Variants in SCLT1 observed in about 807,000 individuals in gnomAD.
SCLT1 encodes the protein sodium channel and clathrin linker 1, also known as sodium channel-associated protein 1.
In SCLT1, 78 loss-of-function variants were observed where a neutral mutation model predicts 112.8. That is an observed-to-expected ratio of 0.69 (90% CI 0.58 to 0.83). The LOEUF (loss-of-function observed/expected upper bound fraction) is 0.83, where lower values mean the gene tolerates loss of function less well. SCLT1 is among the 40% of genes least tolerant of loss of function. The pLI, the probability that SCLT1 is intolerant of heterozygous loss-of-function variation, is 0.00. For missense variants in SCLT1, 747 were observed against 770.4 expected (o/e 0.97, Z 0.36); for synonymous variants, 257 against 254.7 (o/e 1.01, Z -0.09).
In SCLT1 at chr4:128,963,778, T is replaced by C. The variant is rs182662145; in HGVS notation, c.869+1449A>G. 2.2e-4 allele frequency among the ~76,000 whole-genome samples: 33 copies of C among 152,352 alleles called. No homozygotes were observed. In the East Asian group the frequency reaches 6.4e-3, roughly 29 times the overall value. On this transcript the variant is annotated intron_variant, in intron 11 of 20. Transcript: ENST00000281142. Reference sequence around the variant, plus strand: ...TTCAAGGACCATACTTGTTTTCCTCTACCTATATTAGTTATTCTAAATATT... The same window carrying C: ...TTCAAGGACCATACTTGTTTTCCTCCACCTATATTAGTTATTCTAAATATT...
chr4:128,948,686 G>T, intron 14 of SCLT1, 116 bp from the exon 15 acceptor site: 1 of 720,720 alleles, frequency 1.4e-6, no homozygotes, highest in Non-Finnish European at 2.2e-6. Flanking sequence ...CAAGTTTAAG[G>T]TTATATTGAT....
intron 5 of SCLT1, among the ~76,000 whole-genome samples, chr4:129,035,290 A>G (rs1321375418): frequency 3.3e-5 from 5 of 152,190 alleles, no homozygotes; most frequent in Non-Finnish European, 7.4e-5. Context: ...AAGGAGCAGG[A>G]AAAGGGGAAG....
rs192480213 is a variant in SCLT1 at position 129,075,716 on chromosome 4, A to C, written c.102+6590T>G. Among the ~76,000 whole-genome samples the C allele has an allele frequency of 2.6e-3, 394 of 152,302 alleles. 3 individuals are homozygous for C. The highest frequency in any genetic ancestry group is 9.3e-3 in the African/African-American group (386 of 41,570). On this transcript the variant is annotated intron_variant, in intron 2 of 20. Transcript: ENST00000281142. ...ATATAACATTTCTATCATCAGAGAA[A>C]GATCTACTGGACAGTGCCGGTCTAG...
intron 17 of SCLT1, among the ~76,000 whole-genome samples, chr4:128,942,677 G>T (rs1037806902): frequency 1.2e-4 from 19 of 152,244 alleles, no homozygotes; most frequent in African/African-American, 4.1e-4. Context: ...TACAGAGAGA[G>T]AAGAGAGGAA....
chr4:128,881,492 C>T (rs1732640001), downstream of SCLT1, among the ~76,000 whole-genome samples: 1 of 152,158 alleles, frequency 6.6e-6, no homozygotes, highest in South Asian at 2.1e-4. Context: ...ATAATTCTCA[C>T]ACCAGAGAAG....
At chr4:128,964,224 C>A (rs190478410) in intron 11 of SCLT1, among the ~76,000 whole-genome samples, 3 of 152,142 alleles carry the variant, frequency 2.0e-5, no homozygotes, top group South Asian at 4.2e-4. Context: ...CTAAGAGATG[C>A]GACTAGAATT....
intron 5 of SCLT1, among the ~76,000 whole-genome samples, chr4:129,011,935 TATTA>T (rs374620943): frequency 1.3e-5 from 2 of 150,752 alleles, no homozygotes; most frequent in South Asian, 4.1e-4. Flanking sequence ...TTTTCTTCTT[TATTA>T]GTCTAGCTAA....
At chr4:128,889,986 T>C (rs1046140335) in intron 19 of SCLT1, among the ~76,000 whole-genome samples, 1 of 152,196 alleles carries the variant, frequency 6.6e-6, no homozygotes, top group Non-Finnish European at 1.5e-5. Flanking sequence ...ATATTTCTTA[T>C]TATGCCCAAA....
chr4:129,049,371 T>C (rs1748525414), intron 2 of SCLT1, among the ~76,000 whole-genome samples: 1 of 150,762 alleles, frequency 6.6e-6, no homozygotes, highest in African/African-American at 2.4e-5. Flanking sequence ...CAGCAAACTA[T>C]CGCAAGGACA....
Position 128,970,463 on chromosome 4 carries a change from G to T in SCLT1, c.692C>A (p.Ala231Asp), listed in dbSNP as rs932573755. 1 of 1,587,350 alleles carries T rather than the reference G, an allele frequency of 6.3e-7. No homozygotes were observed. ...TACAGCAACTCTCAGCTCTAATTTG[G>T]CTTGCCTAAAAAATAAAGTAAATTA... Reference protein sequence around the residue: ...IEQLRKKLRQAKLELRVAVAK... With the variant: ...IEQLRKKLRQDKLELRVAVAK... The change falls in exon 10 of 21, where the codon GCC (alanine) becomes GAC (aspartate). Residue 231 changes from alanine (A) to aspartate (D), a missense_variant. Ala to Asp is a moderately radical substitution (Grantham distance 126). This residue lies in a region of SCLT1 where 723 missense variants were observed against 721.3 expected (regional missense o/e 1.00). Coordinates refer to ENST00000281142, the MANE Select transcript of SCLT1 (RefSeq NM_144643.4).
intron 5 of SCLT1, among the ~76,000 whole-genome samples, chr4:129,029,839 G>A (rs1191641176): frequency 1.3e-5 from 2 of 152,034 alleles, no homozygotes; most frequent in Non-Finnish European, 2.9e-5. Context: ...CCTACAAAGA[G>A]ACTTAGGCTC....
chr4:129,061,661 G>A (rs1318459486), intron 2 of SCLT1, among the ~76,000 whole-genome samples: 1 of 152,072 alleles, frequency 6.6e-6, no homozygotes, highest in Middle Eastern at 3.2e-3. Context: ...TGGTGGTGGG[G>A]GCGTGGATGG....
chr4:129,054,666 G>T (rs1366462244), intron 2 of SCLT1, among the ~76,000 whole-genome samples: 4 of 152,028 alleles, frequency 2.6e-5, no homozygotes, highest in Non-Finnish European at 4.4e-5. Flanking sequence ...TTTTTATGAA[G>T]GTTCTGAGCT....
At chr4:129,063,099 G>A (rs1165813481) in intron 2 of SCLT1, among the ~76,000 whole-genome samples, 1 of 151,866 alleles carries the variant, frequency 6.6e-6, no homozygotes, top group African/African-American at 2.4e-5. Flanking sequence ...TGTCTGACTG[G>A]GTAATTTCAA....
intron 18 of SCLT1, among the ~76,000 whole-genome samples, chr4:128,927,852 C>CT (rs1168253197): frequency 1.3e-5 from 2 of 151,586 alleles, no homozygotes; most frequent in African/African-American, 4.9e-5. Context: ...AGTAAAACAA[C>CT]TGAGAAACTC....
intron 9 of SCLT1, among the ~76,000 whole-genome samples, chr4:128,973,246 A>G (rs1308404212): frequency 6.6e-6 from 1 of 152,142 alleles, no homozygotes; most frequent in Admixed American, 6.6e-5. Context: ...ATTGTAATCA[A>G]TACTATAGAG....
At chr4:128,876,059 T>C (rs1049197925) in intron 4 of SCLT1, among the ~76,000 whole-genome samples, 1 of 152,290 alleles carries the variant, frequency 6.6e-6, no homozygotes, top group Non-Finnish European at 1.5e-5. Context: ...ATCCACTACA[T>C]GCAGAAATTA....
chr4:128,979,161 T>C (rs926573939), intron 9 of SCLT1, among the ~76,000 whole-genome samples: 7 of 152,210 alleles, frequency 4.6e-5, no homozygotes, highest in Non-Finnish European at 1.0e-4. Context: ...ATTTTCATTA[T>C]AGCAATGAGG....
intron 6 of SCLT1, among the ~76,000 whole-genome samples, chr4:129,000,649 T>C (rs1743395873): frequency 6.6e-6 from 1 of 152,026 alleles, no homozygotes; most frequent in South Asian, 2.1e-4. Context: ...CTCCTACTTT[T>C]TTTTTAAGTC....
Sources: gnomAD v4.1 joint callset for allele counts (sites outside exome capture counted in the v4.1 genomes callset) on GRCh38, gnomAD v4.1.1 for gene constraint, gnomAD v4.1.1 regional missense constraint, MANE v1.5 for transcripts, NCBI Gene and HGNC (gene_info 2026-07-23, HGNC 2026-07-21) for gene names.